HS3ST2: variants seen among roughly 807,000 people sequenced by gnomAD.
HS3ST2 encodes heparan sulfate glucosamine 3-O-sulfotransferase 2.
A neutral mutation model predicts 26.3 loss-of-function variants in HS3ST2; 17 were observed. That is an observed-to-expected ratio of 0.65 (90% CI 0.44 to 0.97). The LOEUF (loss-of-function observed/expected upper bound fraction) is 0.97, where lower values mean the gene tolerates loss of function less well. Among genes scored for constraint, HS3ST2 ranks in the 50% least tolerant of loss-of-function variants. The probability of loss-of-function intolerance (pLI) is 0.00; values close to 1 mark genes in which losing one functional copy is unlikely to be tolerated. For missense variants in HS3ST2, 402 were observed against 501.2 expected, an observed-to-expected ratio of 0.80 and a Z score of 1.89; for synonymous variants, 237 against 219.2, an observed-to-expected ratio of 1.08 and a Z score of -0.72.
chr16:22,888,809 T>A lies in HS3ST2; in HGVS notation c.486-26135T>A, dbSNP rs8049832. Reference sequence around the variant, plus strand: ...TTGGATGTAGATTTAACCAAATTAATGTGGGCTTAACTGAGGCACTCTTGC... The same window carrying A: ...TTGGATGTAGATTTAACCAAATTAAAGTGGGCTTAACTGAGGCACTCTTGC... On this transcript the variant is annotated intron_variant, in intron 1 of 1. Transcript: ENST00000261374. 1.7e-3 allele frequency among the ~76,000 whole-genome samples: 264 copies of A among 152,366 alleles called. 2 individuals carry two copies. The highest frequency in any genetic ancestry group is 5.9e-3 in the African/African-American group (247 of 41,586).
chr16:22,881,760 T>C (rs1901993490), intron 1 of HS3ST2, among the ~76,000 whole-genome samples: 9 of 152,180 alleles, frequency 5.9e-5, no homozygotes. Flanking sequence ...CTGGGCAAGT[T>C]TCACAAGGAC....
At chr16:22,820,520 G>T (rs1165130689) in intron 1 of HS3ST2, among the ~76,000 whole-genome samples, 1 of 152,224 alleles carries the variant, frequency 6.6e-6, no homozygotes, top group Non-Finnish European at 1.5e-5. Context: ...GAAGGAGAAA[G>T]GCATGTTTTA....
intron 1 of HS3ST2, among the ~76,000 whole-genome samples, chr16:22,845,183 T>A (rs1412727096): frequency 6.8e-6 from 1 of 147,442 alleles, no homozygotes; most frequent in African/African-American, 2.7e-5. Flanking sequence ...AGTTACCCAA[T>A]CTCAAGTACT....
intron 1 of HS3ST2, among the ~76,000 whole-genome samples, chr16:22,836,781 T>C (rs1901261719): frequency 6.6e-6 from 1 of 152,130 alleles, no homozygotes; most frequent in Non-Finnish European, 1.5e-5. Context: ...GTAGCTGGGA[T>C]CACAGGCATG....
intron 1 of HS3ST2, among the ~76,000 whole-genome samples, chr16:22,865,524 C>A (rs1447078483): frequency 6.6e-6 from 1 of 152,016 alleles, no homozygotes; most frequent in Non-Finnish European, 1.5e-5. Flanking sequence ...CCACTGCACT[C>A]CAGCCTGGGT....
intron 1 of HS3ST2, among the ~76,000 whole-genome samples, chr16:22,838,111 A>G (rs1254311320): frequency 1.3e-5 from 2 of 152,144 alleles, no homozygotes. Context: ...TTGCATGCAA[A>G]TGACTGAATT....
At chr16:22,835,467 T>G (rs1266617674) in intron 1 of HS3ST2, among the ~76,000 whole-genome samples, 1 of 152,154 alleles carries the variant, frequency 6.6e-6, no homozygotes, top group East Asian at 1.9e-4. Context: ...TTAATGCTTA[T>G]CAAAACAACA....
Position 22,814,756 on chromosome 16 carries a change from T to A in HS3ST2, c.146T>A (p.Leu49His), listed in dbSNP as rs200093528. ...TGCGACGACCTGGGTCGGAGCCGCC[T>A]CCTCGGCGCGCCTCGCTGCCTCCGC... ...CCCDDLGRSR[L>H]LGAPRCLRGP... is the part of the protein sequence containing the mutation. Residue 49 changes from leucine (L) to histidine (H), a missense_variant, in exon 1 of 2, where the codon CTC (leucine) becomes CAC (histidine). By Grantham distance (99) the Leu-to-His change is moderately conservative (BLOSUM62 -3). This residue lies in a region of HS3ST2 where 165 missense variants were observed against 154.6 expected (regional missense o/e 1.07). Transcript: ENST00000261374. 1 of 1,607,346 alleles carries A rather than the reference T, an allele frequency of 6.2e-7. No homozygotes were observed. Among genetic ancestry groups the A allele is most frequent in the East Asian group, 2.2e-5 (1 of 44,696 alleles).
intron 1 of HS3ST2, among the ~76,000 whole-genome samples, chr16:22,852,661 C>T (rs1451257388): frequency 6.6e-6 from 1 of 152,180 alleles, no homozygotes; most frequent in African/African-American, 2.4e-5. Context: ...CTGTCACATT[C>T]ATTTTGTCTG....
chr16:22,827,784 T>C (rs143395147), intron 1 of HS3ST2, among the ~76,000 whole-genome samples: 151 of 146,940 alleles, frequency 1.0e-3, no homozygotes, highest in African/African-American at 3.7e-3. Flanking sequence ...CAATCATGAC[T>C]CACAGTAGTC....
At chr16:22,821,061 G>C (rs1900984189) in intron 1 of HS3ST2, among the ~76,000 whole-genome samples, 1 of 152,090 alleles carries the variant, frequency 6.6e-6, no homozygotes, top group Non-Finnish European at 1.5e-5. Flanking sequence ...TCTGTAGCCA[G>C]CAGGGCTCTC....
At chr16:22,912,242 G>A (rs532495496) in intron 1 of HS3ST2, among the ~76,000 whole-genome samples, 99 of 152,332 alleles carry the variant, frequency 6.5e-4, no homozygotes, top group African/African-American at 2.3e-3. Flanking sequence ...AACCATTTCA[G>A]AGTTAGGGAA....
At chr16:22,866,847 T>TATA (rs2141191594) in intron 1 of HS3ST2, among the ~76,000 whole-genome samples, 1 of 152,060 alleles carries the variant, frequency 6.6e-6, no homozygotes, top group Admixed American at 6.6e-5. Context: ...CTATAAAACT[T>TATA]TACTAGATAA....
At chr16:22,914,796 T>C in intron 1 of HS3ST2, 148 bp from the exon 2 acceptor site, 1 of 579,488 alleles carries the variant, frequency 1.7e-6, no homozygotes, top group Non-Finnish European at 2.9e-6. Context: ...AGATTTAAAG[T>C]GAGTACCTCA....
In HS3ST2 at chr16:22,856,290, G is replaced by A. The variant is rs138382926; in HGVS notation, c.485+41195G>A. On this transcript the variant is annotated intron_variant, in intron 1 of 1. Coordinates refer to ENST00000261374, the MANE Select transcript of HS3ST2 (RefSeq NM_006043.2). ...TTCCAGCAGACGGAAGAAGGGTTTT[G>A]AGGAAGGGACACATTTTGCTAATCA... Among the ~76,000 whole-genome samples, 92 of 152,312 alleles carry A rather than the reference G, an allele frequency of 6.0e-4. No homozygotes were observed. The East Asian group carries it at 0.014, about 24-fold the overall frequency.
Position 22,814,438 on chromosome 16 carries a change from T to A in HS3ST2, c.-173T>A. 1 of 579,584 alleles carries A rather than the reference T, an allele frequency of 1.7e-6. No individual in the cohort carries two copies. Among genetic ancestry groups the A allele is most frequent in the Non-Finnish European group, 2.8e-6 (1 of 351,756 alleles). The allele number at this position is 579,584 out of a possible 1,614,324, so 35.9% of individuals were successfully genotyped here. A position where few individuals can be genotyped will look rare whatever the true frequency, so the allele number is the denominator to read the frequency against. On this transcript the variant is annotated 5_prime_UTR_variant, in exon 1 of 2. Transcript: ENST00000261374. ...AGGAGCCGCTGCCCCCGGGACCCCC[T>A]GGCACTGTGCGCACCCTGGTCAGCA...
At chr16:22,875,336 C>G (rs1342035354) in intron 1 of HS3ST2, among the ~76,000 whole-genome samples, 2 of 151,928 alleles carry the variant, frequency 1.3e-5, no homozygotes, top group Non-Finnish European at 2.9e-5. Context: ...CACTCACACA[C>G]TTGTTATTGA....
chr16:22,887,333 A>T (rs1902073763), intron 1 of HS3ST2, among the ~76,000 whole-genome samples: 1 of 152,218 alleles, frequency 6.6e-6, no homozygotes, highest in Non-Finnish European at 1.5e-5. Flanking sequence ...GTGCTGGCAG[A>T]TTCAGTGTCC....
chr16:22,876,637 C>G (rs1333491212), intron 1 of HS3ST2, among the ~76,000 whole-genome samples: 1 of 152,022 alleles, frequency 6.6e-6, no homozygotes, highest in Non-Finnish European at 1.5e-5. Context: ...GGGTATCTAC[C>G]CAGAGAAAAA....
Sources: gnomAD v4.1 joint callset for allele counts (sites outside exome capture counted in the v4.1 genomes callset) on GRCh38, gnomAD v4.1.1 for gene constraint, gnomAD v4.1.1 regional missense constraint, MANE v1.5 for transcripts, NCBI Gene and HGNC (gene_info 2026-07-23, HGNC 2026-07-21) for gene names.